The following TENM3 variants were observed in gnomAD, a reference collection of about 807,000 sequenced individuals.
TENM3 encodes the protein teneurin transmembrane protein 3, also known as teneurin-3.
Under a neutral mutation model 255.1 loss-of-function variants are expected in TENM3, and 63 were observed. The ratio of observed to expected loss-of-function variants is 0.25; its 90% CI spans 0.20 to 0.30. The LOEUF is 0.30. TENM3 is among the 10% of genes least tolerant of loss of function. The pLI is 1.00. For synonymous variants in TENM3, 1,306 were observed against 1,322.3 expected, an observed-to-expected ratio of 0.99 and a Z score of 0.27; for missense variants, 2,929 against 3,461.1, an observed-to-expected ratio of 0.85 and a Z score of 3.86.
chr4:181,671,569 A>G, the TENM3 span, among the ~76,000 whole-genome samples: 1 of 152,166 alleles, frequency 6.6e-6, no homozygotes, highest in Non-Finnish European at 1.5e-5. Flanking sequence ...AGCAGAATGA[A>G]ATAAGAGAAA....
intron 24 of TENM3, among the ~76,000 whole-genome samples, chr4:182,777,544 T>TGTGTGTGTGTGTG (rs1561238773): frequency 3.7e-5 from 5 of 135,050 alleles, no homozygotes; most frequent in South Asian, 4.8e-4. Flanking sequence ...TGTGTGTGTA[T>TGTGTGTGTGTGTG]TTCTTTTTTT....
intron 3 of TENM3, among the ~76,000 whole-genome samples, chr4:182,371,651 C>T (rs1028592786): frequency 4.6e-5 from 7 of 152,164 alleles, no homozygotes; most frequent in African/African-American, 1.7e-4. Flanking sequence ...TCATTCTCTT[C>T]CCACATCCTC....
At chr4:181,732,837 C>A in the TENM3 span, among the ~76,000 whole-genome samples, 2 of 152,098 alleles carry the variant, frequency 1.3e-5, no homozygotes, top group African/African-American at 4.8e-5. Flanking sequence ...ACACATGGAG[C>A]ATTTTAAGAA....
At chr4:182,047,274 C>A in the TENM3 span, among the ~76,000 whole-genome samples, 1 of 152,024 alleles carries the variant, frequency 6.6e-6, no homozygotes, top group Non-Finnish European at 1.5e-5. Context: ...GTGTTAAATG[C>A]ATGAATAGGC....
intron 1 of TENM3, among the ~76,000 whole-genome samples, chr4:182,221,828 T>C (rs1755867384): frequency 6.6e-6 from 1 of 152,240 alleles, no homozygotes; most frequent in Non-Finnish European, 1.5e-5. Context: ...GCACATATTG[T>C]ATGCAAATGT....
intron 3 of TENM3, among the ~76,000 whole-genome samples, chr4:182,356,605 T>C (rs1765554857): frequency 6.6e-6 from 1 of 152,030 alleles, no homozygotes. Flanking sequence ...TGAGGGAAAA[T>C]GAAAAGCGTC....
the TENM3 span, among the ~76,000 whole-genome samples, chr4:182,123,778 T>G: frequency 6.6e-6 from 1 of 152,166 alleles, no homozygotes; most frequent in Non-Finnish European, 1.5e-5. Flanking sequence ...ACCATTAGAC[T>G]TACTCGACTC....
At chr4:182,368,109 T>G (rs919451531) in intron 3 of TENM3, among the ~76,000 whole-genome samples, 1 of 152,214 alleles carries the variant, frequency 6.6e-6, no homozygotes, top group Non-Finnish European at 1.5e-5. Flanking sequence ...AGTTACTTCC[T>G]GCAAATCTCA....
rs533223776 is a variant in TENM3 at position 182,506,560 on chromosome 4, A to G, written c.512-94364A>G. On this transcript the variant is annotated intron_variant, in intron 3 of 27. Coordinates refer to ENST00000511685, the MANE Select transcript of TENM3 (RefSeq NM_001080477.4). ...TGTGTATTATAATTTGTACATCTTG[A>G]TCTTATATACTGTATTAAAATTAAA... 5.3e-5 allele frequency among the ~76,000 whole-genome samples: 8 copies of G among 152,248 alleles called. No individual in the cohort carries two copies. In the South Asian group the frequency reaches 1.5e-3, roughly 28 times the overall value.
At chr4:182,055,788 G>A in the TENM3 span, among the ~76,000 whole-genome samples, 1 of 152,032 alleles carries the variant, frequency 6.6e-6, no homozygotes, top group South Asian at 2.1e-4. Flanking sequence ...GACTTAAGCT[G>A]GAATGCTGAC....
chr4:182,135,029 A>C, the TENM3 span, among the ~76,000 whole-genome samples: 7 of 151,684 alleles, frequency 4.6e-5, no homozygotes, highest in Non-Finnish European at 2.9e-5. Flanking sequence ...AACATGGTGA[A>C]ACCCCATCTC....
chr4:182,260,834 G>T (rs1758732301), intron 1 of TENM3, among the ~76,000 whole-genome samples: 1 of 151,752 alleles, frequency 6.6e-6, no homozygotes, highest in South Asian at 2.1e-4. Flanking sequence ...CCAATGCCAG[G>T]AAATAGCAAA....
intron 4 of TENM3, among the ~76,000 whole-genome samples, chr4:182,603,784 T>TATATATATATATATATATATAC (rs58332965): frequency 2.1e-4 from 28 of 134,152 alleles, no homozygotes; most frequent in African/African-American, 7.1e-4. Flanking sequence ...TATATATATA[T>TATATATATATATATATATATAC]ACACACACAC....
At chr4:181,888,591 CGTGT>C in the TENM3 span, among the ~76,000 whole-genome samples, 14 of 90,166 alleles carry the variant, frequency 1.6e-4, no homozygotes, top group Admixed American at 1.4e-4. Context: ...TATATATATG[CGTGT>C]GTGTGTGTGT....
the TENM3 span, among the ~76,000 whole-genome samples, chr4:181,886,281 G>A: frequency 1.3e-5 from 2 of 152,004 alleles, no homozygotes; most frequent in African/African-American, 4.8e-5. Flanking sequence ...TCGAACTCCC[G>A]ACCTCAAGTG....
At chr4:181,988,095 C>T in the TENM3 span, among the ~76,000 whole-genome samples, 4 of 152,052 alleles carry the variant, frequency 2.6e-5, no homozygotes, top group Non-Finnish European at 5.9e-5. Flanking sequence ...GGATCTGTCC[C>T]TCGCCTCTCG....
chr4:182,183,804 T>C (rs1339003527), intron 1 of TENM3, among the ~76,000 whole-genome samples: 2 of 152,230 alleles, frequency 1.3e-5, no homozygotes, highest in Non-Finnish European at 2.9e-5. Context: ...CATATTTGTT[T>C]TTTATTCAAG....
the TENM3 span, among the ~76,000 whole-genome samples, chr4:181,697,133 G>T: frequency 6.6e-6 from 1 of 152,108 alleles, no homozygotes; most frequent in East Asian, 1.9e-4. Context: ...TACAACTATG[G>T]CCCAAGAATC....
intron 3 of TENM3, among the ~76,000 whole-genome samples, chr4:182,543,763 T>TA (rs1040846338): frequency 2.2e-5 from 3 of 138,364 alleles, no homozygotes; most frequent in East Asian, 2.4e-4. Context: ...GAAAAGTATA[T>TA]TTTTTTTTTA....
Sources: gnomAD v4.1 joint callset for allele counts (sites outside exome capture counted in the v4.1 genomes callset) on GRCh38, gnomAD v4.1.1 for gene constraint, MANE v1.5 for transcripts, NCBI Gene and HGNC (gene_info 2026-07-23, HGNC 2026-07-21) for gene names.